The following GABRR1 variants were observed in gnomAD, a reference collection of about 807,000 sequenced individuals.
The protein encoded by GABRR1 is gamma-aminobutyric acid type A receptor subunit rho1, also known as gamma-aminobutyric acid receptor subunit rho-1.
Under a neutral mutation model 55.5 loss-of-function variants are expected in GABRR1, and 59 were observed. The ratio of observed to expected loss-of-function variants is 1.06; its 90% confidence interval spans 0.86 to 1.32. GABRR1 has a LOEUF of 1.32. GABRR1 is among the 40% of genes most tolerant of loss of function. The pLI, the probability that GABRR1 is intolerant of heterozygous loss-of-function variation, is 0.00. For synonymous variants in GABRR1, 213 were observed against 226.0 expected, an observed-to-expected ratio of 0.94 and a Z score of 0.51; for missense variants, 602 against 619.1, an observed-to-expected ratio of 0.97 and a Z score of 0.29.
At chr6:89,204,765 T>G (rs1358285656) in intron 1 of GABRR1, 1 of 745,454 alleles carries the variant, frequency 1.3e-6, no homozygotes, top group African/African-American at 1.9e-5. Context: ...TTAGATAACT[T>G]TTTTTCCTGT....
chr6:89,225,805 G>A lies in GABRR1; in HGVS notation c.-410-4359C>T, dbSNP rs541167952. Reference sequence around the variant, plus strand: ...AGTAATGGGATGGCTGGGTCAAATGGTATTTCTAGTTCTAGATCCCTGAGG... The same window carrying A: ...AGTAATGGGATGGCTGGGTCAAATGATATTTCTAGTTCTAGATCCCTGAGG... On this transcript the variant is annotated intron_variant, in intron 1 of 11. Coordinates refer to the GABRR1 transcript ENST00000369451. 7.9e-5 allele frequency among the ~76,000 whole-genome samples: 10 copies of A among 127,090 alleles called. 1 individual carries two copies. In the South Asian group the frequency reaches 2.5e-3, roughly 32 times the overall value. 83.4% of individuals were successfully genotyped at this position (127,090 alleles called of 152,430 possible). A position where few individuals can be genotyped will look rare whatever the true frequency, so the allele number is the denominator to read the frequency against.
In GABRR1 at chr6:89,190,164, C is replaced by T; in HGVS notation, c.655+1G>A. 6.2e-7 allele frequency: 1 copy of T among 1,607,136 alleles called. No homozygotes were observed. The highest frequency in any genetic ancestry group is 8.5e-7 in the Non-Finnish European group (1 of 1,176,138). ...TGATGCCCGGGGACAAGTCTACTCA[C>T]AGCTTTCAATTTCAAGAGAGCACGT... On this transcript the variant is annotated splice_donor_variant, in intron 6 of 9. Coordinates refer to ENST00000454853, the MANE Select transcript of GABRR1 (RefSeq NM_002042.5). LOFTEE classifies it high-confidence loss of function.
At chr6:89,212,838 T>G (rs1294827316) in intron 1 of GABRR1, among the ~76,000 whole-genome samples, 2 of 152,174 alleles carry the variant, frequency 1.3e-5, no homozygotes, top group East Asian at 3.9e-4. Flanking sequence ...CCAGCTACAT[T>G]TTTTTGTACT....
chr6:89,204,594 A>G, intron 1 of GABRR1: 1 of 1,263,548 alleles, frequency 7.9e-7, no homozygotes, highest in Non-Finnish European at 1.0e-6. Flanking sequence ...CCCAGCTCTT[A>G]CTTTGACTTT....
At chr6:89,222,841 G>A (rs1372508391) in intron 1 of GABRR1, among the ~76,000 whole-genome samples, 1 of 152,166 alleles carries the variant, frequency 6.6e-6, no homozygotes, top group Non-Finnish European at 1.5e-5. Flanking sequence ...TTTTTTTACA[G>A]TCTAAGTTTT....
At chr6:89,189,139 C>A (rs115466513) in intron 6 of GABRR1, among the ~76,000 whole-genome samples, 1 of 151,900 alleles carries the variant, frequency 6.6e-6, no homozygotes. Flanking sequence ...AAGCAGTTAC[C>A]CTGATTCAAC....
rs1582402862 is a variant in GABRR1 at position 89,210,089 on chromosome 6, G to A, written c.123-6604C>T. On this transcript the variant is annotated intron_variant, in intron 1 of 9. Coordinates refer to ENST00000454853, the MANE Select transcript of GABRR1 (RefSeq NM_002042.5). ...CTCTGTGGATATGTTATGTGACCAT[G>A]GCACAAGTTTGTGTACCCTTTTGGG... 2.0e-5 allele frequency among the ~76,000 whole-genome samples: 3 copies of A among 151,828 alleles called. No homozygotes were observed. In the East Asian group the frequency reaches 5.8e-4, roughly 29 times the overall value.
chr6:89,212,484 G>A (rs1000614788), intron 1 of GABRR1, among the ~76,000 whole-genome samples: 1 of 152,114 alleles, frequency 6.6e-6, no homozygotes, highest in East Asian at 1.9e-4. Flanking sequence ...CAGAATAAAC[G>A]TGAATTCTTT....
At chr6:89,204,733 G>A (rs1772591179) in intron 1 of GABRR1, 1 of 1,028,698 alleles carries the variant, frequency 9.7e-7, no homozygotes, top group Admixed American at 3.3e-5. Flanking sequence ...TACAGTTATA[G>A]TCTTTTTCAT....
chr6:89,180,822 T>C (rs1466227907), intron 8 of GABRR1, among the ~76,000 whole-genome samples: 1 of 152,220 alleles, frequency 6.6e-6, no homozygotes, highest in African/African-American at 2.4e-5. Context: ...AGAGGTTGCA[T>C]ATATGAGCAG....
chr6:89,187,602 T>C (rs1771947809), intron 6 of GABRR1, among the ~76,000 whole-genome samples: 1 of 152,184 alleles, frequency 6.6e-6, no homozygotes, highest in Non-Finnish European at 1.5e-5. Flanking sequence ...TCCATACCCA[T>C]TTAACAATAA....
intron 9 of GABRR1, among the ~76,000 whole-genome samples, chr6:89,179,364 T>C (rs1171154931): frequency 6.6e-6 from 1 of 152,112 alleles, no homozygotes. Flanking sequence ...GGATTACAGA[T>C]GCACACCACC....
intron 1 of GABRR1, among the ~76,000 whole-genome samples, chr6:89,210,487 C>T (rs1409974504): frequency 6.6e-6 from 1 of 152,086 alleles, no homozygotes; most frequent in Non-Finnish European, 1.5e-5. Flanking sequence ...AGCCATCATG[C>T]CCAGTCTTCT....
intron 5 of GABRR1, among the ~76,000 whole-genome samples, chr6:89,190,675 T>C (rs541785722): frequency 6.6e-6 from 1 of 152,354 alleles, no homozygotes; most frequent in East Asian, 1.9e-4. Context: ...TACAATACAG[T>C]GTACACTTAC....
At chr6:89,196,875 G>GAAAGAAAGAAAGAAAGGAAGA in intron 5 of GABRR1, among the ~76,000 whole-genome samples, 1 of 134,634 alleles carries the variant, frequency 7.4e-6, no homozygotes, top group Non-Finnish European at 1.6e-5. Context: ...AAGAAAGAAA[G>GAAAGAAAGAAAGAAAGGAAGA]AAAGAGAAGA....
upstream of GABRR1, among the ~76,000 whole-genome samples, chr6:89,218,615 G>C (rs1185279004): frequency 3.9e-5 from 6 of 152,162 alleles, no homozygotes; most frequent in Non-Finnish European, 8.8e-5. Context: ...GTAAGAATCT[G>C]TCCTCCCTTT....
At chr6:89,218,013 A>G (rs1030201245), upstream of GABRR1, among the ~76,000 whole-genome samples, 1 of 152,232 alleles carries the variant, frequency 6.6e-6, no homozygotes, top group African/African-American at 2.4e-5. Context: ...GAAAAATACC[A>G]GTAATAAATT....
upstream of GABRR1, among the ~76,000 whole-genome samples, chr6:89,219,422 A>G (rs1773079668): frequency 6.6e-6 from 1 of 152,234 alleles, no homozygotes; most frequent in African/African-American, 2.4e-5. Context: ...GATGCACTGT[A>G]GAAGTAACCA....
intron 5 of GABRR1, among the ~76,000 whole-genome samples, chr6:89,192,602 G>A (rs1317557851): frequency 7.4e-6 from 1 of 135,292 alleles, no homozygotes; most frequent in Non-Finnish European, 1.5e-5. Flanking sequence ...TCGCTCTGTC[G>A]CCCAGGCTGG....
Sources: gnomAD v4.1 joint callset for allele counts (sites outside exome capture counted in the v4.1 genomes callset) on GRCh38, gnomAD v4.1.1 for gene constraint, MANE v1.5 for transcripts, NCBI Gene and HGNC (gene_info 2026-07-23, HGNC 2026-07-21) for gene names.